CACNA2D3: variants seen among roughly 807,000 people sequenced by gnomAD.
CACNA2D3 encodes calcium voltage-gated channel auxiliary subunit alpha2delta 3.
CACNA2D3 carries 60 observed loss-of-function variants against 160.6 expected under a neutral mutation model. That is an observed-to-expected ratio of 0.37 (90% CI 0.30 to 0.46). The LOEUF (loss-of-function observed/expected upper bound fraction) is 0.46. Among genes scored for constraint, CACNA2D3 ranks in the 20% least tolerant of loss-of-function variants. The pLI is 1.00. For missense variants in CACNA2D3, 1,205 were observed against 1,365.0 expected, an observed-to-expected ratio of 0.88 and a Z score of 1.85; for synonymous variants, 558 against 492.9, an observed-to-expected ratio of 1.13 and a Z score of -1.75.
chr3:54,781,170 G>T (rs959407170), intron 13 of CACNA2D3, among the ~76,000 whole-genome samples: 2 of 152,216 alleles, frequency 1.3e-5, no homozygotes, highest in Non-Finnish European at 2.9e-5. Context: ...TGGAAAAGAA[G>T]ATTAGTGGTT....
chr3:54,355,330 T>C (rs993635539), intron 3 of CACNA2D3, among the ~76,000 whole-genome samples: 8 of 152,192 alleles, frequency 5.3e-5, no homozygotes, highest in Non-Finnish European at 1.2e-4. Flanking sequence ...GTGATCTGAT[T>C]TCCAATCCGG....
Position 54,122,813 on chromosome 3 carries a change from G to GAGC in CACNA2D3, c.106_108dup (p.Gln36dup), listed in dbSNP as rs1463151187. ...CGCGCTGGGGGACGTGGTGCGCTCGGAGCAGCAGATACCGCTCTCCGTGTA... is the reference window on the plus strand; with the variant it reads ...CGCGCTGGGGGACGTGGTGCGCTCGGAGCAGCAGCAGATACCGCTCTCCGTGTA... On this transcript the variant is annotated inframe_insertion, in exon 1 of 38. Coordinates refer to ENST00000474759, the MANE Select transcript of CACNA2D3 (RefSeq NM_018398.3). 5 of 1,232,658 alleles carry GAGC rather than the reference G, an allele frequency of 4.1e-6. No homozygotes were observed. In the East Asian group the frequency reaches 1.6e-4, roughly 40 times the overall value. 76.4% of individuals were successfully genotyped at this position (1,232,658 alleles called of 1,614,324 possible). A position where few individuals can be genotyped will look rare whatever the true frequency, so the allele number is the denominator to read the frequency against.
rs9855056 is a variant in CACNA2D3, at chr3:54,787,129, T to G, written c.1380+22778T>G. Among the ~76,000 whole-genome samples the G allele has an allele frequency of 6.4e-3, 971 of 152,322 alleles. 10 individuals carry two copies. Among genetic ancestry groups the G allele is most frequent in the African/African-American group, 0.022 (909 of 41,582 alleles). On this transcript the variant is annotated intron_variant, in intron 13 of 37. Coordinates refer to ENST00000474759, the MANE Select transcript of CACNA2D3 (RefSeq NM_018398.3). ...CTGAACACACATATTTGAGGGAATATTCAGTACTCATAACGCGTTTAAAGA... is the reference window on the plus strand; with the variant it reads ...CTGAACACACATATTTGAGGGAATAGTCAGTACTCATAACGCGTTTAAAGA...
chr3:54,736,140 TACACACACACACACACACAC>T (rs1215376036), intron 11 of CACNA2D3, among the ~76,000 whole-genome samples: 5 of 80,606 alleles, frequency 6.2e-5, no homozygotes, highest in East Asian at 2.5e-4. Flanking sequence ...TGTATATATA[TACACACACACACACACACAC>T]ACACAGACAC....
intron 11 of CACNA2D3, among the ~76,000 whole-genome samples, chr3:54,702,760 A>T (rs375842707): frequency 1.3e-5 from 2 of 152,200 alleles, no homozygotes; most frequent in African/African-American, 4.8e-5. Flanking sequence ...AATATAAATC[A>T]TTCTGCCAAA....
chr3:54,154,528 T>C (rs945046553), intron 2 of CACNA2D3, among the ~76,000 whole-genome samples: 1 of 140,564 alleles, frequency 7.1e-6, no homozygotes, highest in Non-Finnish European at 1.6e-5. Context: ...CCTTACTCTT[T>C]TTCCCCCCCG....
At chr3:54,612,048 G>C (rs1698758877) in intron 9 of CACNA2D3, among the ~76,000 whole-genome samples, 1 of 152,162 alleles carries the variant, frequency 6.6e-6, no homozygotes, top group East Asian at 1.9e-4. Context: ...ATTCACACCA[G>C]TTCTGTTCAT....
In CACNA2D3 at chr3:54,122,796, G is replaced by A. The variant is rs1344266878; in HGVS notation, c.83G>A (p.Gly28Glu). 1 of 1,232,030 alleles carries A rather than the reference G, an allele frequency of 8.1e-7. No individual in the cohort carries two copies. The highest frequency in any genetic ancestry group is 1.0e-6 in the Non-Finnish European group (1 of 982,780). 76.3% of individuals were successfully genotyped at this position (1,232,030 alleles called of 1,614,324 possible). A position where few individuals can be genotyped will look rare whatever the true frequency, so the allele number is the denominator to read the frequency against. Residue 28 changes from glycine to glutamate, a missense_variant, in exon 1 of 38, where the codon GGG becomes GAG. Physicochemically the swap from Gly to Glu is moderately conservative, Grantham distance 98 (BLOSUM62 -2). Around this residue, in one of 3 missense-constraint regions of CACNA2D3, gnomAD observed 163 missense variants for 161.3 expected, o/e 1.01. Coordinates refer to ENST00000474759, the MANE Select transcript of CACNA2D3 (RefSeq NM_018398.3). ...GCCGCGCTTCTCTACGCCGCGCTGG[G>A]GGACGTGGTGCGCTCGGAGCAGCAG... The part of the protein sequence containing the change: ...LAAALLYAAL[G>E]DVVRSEQQIP...
At chr3:54,813,168 A>G (rs1343956303) in intron 13 of CACNA2D3, among the ~76,000 whole-genome samples, 3 of 152,154 alleles carry the variant, frequency 2.0e-5, no homozygotes, top group Admixed American at 6.6e-5. Context: ...TGACTTGAGG[A>G]TGTATTCAGT....
In CACNA2D3 at chr3:54,554,870, C is replaced by CTTTTTTTTTTTTTTTTTTT. The variant is rs66526065; in HGVS notation, c.545-7927_545-7909dup. Reference sequence around the variant, plus strand: ...TTTCTTTTCTTTTCTCTCTCACTCTCTTTTTTTTTTTTTTTTTTTTTGGAG... The same window carrying CTTTTTTTTTTTTTTTTTTT: ...TTTCTTTTCTTTTCTCTCTCACTCTCTTTTTTTTTTTTTTTTTTTTTTTTTTTTTTTTTTTTTTTTGGAG... On this transcript the variant is annotated intron_variant, in intron 5 of 37. Transcript: ENST00000474759. Among the ~76,000 whole-genome samples the CTTTTTTTTTTTTTTTTTTT allele has an allele frequency of 1.2e-3, 114 of 96,116 alleles. 9 individuals are homozygous for CTTTTTTTTTTTTTTTTTTT. Among genetic ancestry groups the CTTTTTTTTTTTTTTTTTTT allele is most frequent in the Non-Finnish European group, 1.3e-3 (68 of 51,480 alleles). 63.1% of individuals were successfully genotyped at this position (96,116 alleles called of 152,430 possible).
At chr3:54,229,632 G>A (rs1013844496) in intron 2 of CACNA2D3, among the ~76,000 whole-genome samples, 1 of 152,130 alleles carries the variant, frequency 6.6e-6, no homozygotes, top group Non-Finnish European at 1.5e-5. Flanking sequence ...ACCATGCCCG[G>A]CCTAAAGTTT....
chr3:54,782,989 A>G (rs1472515819), intron 13 of CACNA2D3, among the ~76,000 whole-genome samples: 3 of 152,142 alleles, frequency 2.0e-5, no homozygotes, highest in African/African-American at 4.8e-5. Flanking sequence ...GATAGGCCCT[A>G]TTATCTCCAT....
At chr3:54,198,112 A>T (rs536797294) in intron 2 of CACNA2D3, among the ~76,000 whole-genome samples, 3 of 152,216 alleles carry the variant, frequency 2.0e-5, no homozygotes, top group Admixed American at 1.3e-4. Context: ...ACCTTAAAAG[A>T]TCTAAAAGGC....
At chr3:54,787,355 C>A (rs1486354744) in intron 13 of CACNA2D3, among the ~76,000 whole-genome samples, 1 of 152,116 alleles carries the variant, frequency 6.6e-6, no homozygotes, top group Non-Finnish European at 1.5e-5. Flanking sequence ...TTAAAAAAAT[C>A]TAAATCATGA....
intron 31 of CACNA2D3, among the ~76,000 whole-genome samples, chr3:54,988,993 ACT>A (rs563185153): frequency 2.9e-4 from 44 of 151,350 alleles, no homozygotes; most frequent in Non-Finnish European, 3.8e-4. Context: ...ATGCTTGAAA[ACT>A]CTGCTTGGAT....
chr3:54,965,760 T>C (rs1356180), intron 27 of CACNA2D3, among the ~76,000 whole-genome samples: 64,391 of 152,074 alleles, frequency 0.42, 14,626 homozygotes, highest in East Asian at 0.56. Flanking sequence ...TGAGGTCAGC[T>C]AGCCGGAACA....
chr3:54,714,557 G>A (rs1701016524), intron 11 of CACNA2D3, among the ~76,000 whole-genome samples: 1 of 152,126 alleles, frequency 6.6e-6, no homozygotes, highest in Non-Finnish European at 1.5e-5. Context: ...GTGGAAATTG[G>A]TAAGGTCAGT....
chr3:55,010,402 A>G (rs186075843), intron 34 of CACNA2D3, among the ~76,000 whole-genome samples: 1 of 152,318 alleles, frequency 6.6e-6, no homozygotes, highest in Admixed American at 6.5e-5. Context: ...TGGAAGGAAA[A>G]TAAATAAATA....
rs1239328320 is a variant in CACNA2D3 at position 54,872,701 on chromosome 3, C to G, written c.1710+1079C>G. Among the ~76,000 whole-genome samples the G allele has an allele frequency of 2.0e-5, 3 of 152,312 alleles. No homozygotes were observed. In the East Asian group the frequency reaches 5.8e-4, roughly 29 times the overall value. ...ATCCTTGCTGGTAAAATGTGAGAGC[C>G]ATACCTGTTTTAGAAACTTAGCCTC... On this transcript the variant is annotated intron_variant, in intron 18 of 37. Transcript: ENST00000474759.
Sources: gnomAD v4.1 joint callset for allele counts (sites outside exome capture counted in the v4.1 genomes callset) on GRCh38, gnomAD v4.1.1 for gene constraint, gnomAD v4.1.1 regional missense constraint, MANE v1.5 for transcripts, NCBI Gene and HGNC (gene_info 2026-07-23, HGNC 2026-07-21) for gene names.